AXDND1: variants seen among roughly 807,000 people sequenced by gnomAD.
AXDND1 encodes the protein axonemal dynein light chain domain-containing protein 1.
Under a neutral mutation model 137.5 loss-of-function variants are expected in AXDND1, and 110 were observed. The ratio of observed to expected loss-of-function variants is 0.80; its 90% CI spans 0.69 to 0.94. AXDND1 has a LOEUF of 0.94. Among genes scored for constraint, AXDND1 ranks in the 40% least tolerant of loss-of-function variants. The pLI is 0.00. For missense variants in AXDND1, 1,191 were observed against 1,169.8 expected (o/e 1.02, Z -0.26); for synonymous variants, 414 against 399.7 (o/e 1.04, Z -0.43).
chr1:179,467,078 A>G (rs1296649110), intron 16 of AXDND1, among the ~76,000 whole-genome samples: 6 of 152,174 alleles, frequency 3.9e-5, no homozygotes, highest in African/African-American at 1.2e-4. Flanking sequence ...GAGTGACTTA[A>G]TATCCCAAAT....
chr1:179,480,961 A>G (rs944768199), intron 17 of AXDND1, among the ~76,000 whole-genome samples: 1 of 147,854 alleles, frequency 6.8e-6, no homozygotes, highest in African/African-American at 2.4e-5. Flanking sequence ...AATAAAATGT[A>G]TTCATTTTTA....
chr1:179,482,124 T>TTTTTTTTTTTTTTTTTTTTCA (rs1665486329), intron 17 of AXDND1, among the ~76,000 whole-genome samples: 1 of 105,432 alleles, frequency 9.5e-6, no homozygotes. Flanking sequence ...TTTTTTTTTT[T>TTTTTTTTTTTTTTTTTTTTCA]GCCTTCTTCT....
At chr1:179,480,059 T>C (rs1445344373) in intron 17 of AXDND1, among the ~76,000 whole-genome samples, 1 of 152,178 alleles carries the variant, frequency 6.6e-6, no homozygotes, top group Non-Finnish European at 1.5e-5. Context: ...TTTTCCTGTC[T>C]TCTTCTGAGC....
intron 9 of AXDND1, among the ~76,000 whole-genome samples, chr1:179,389,794 G>T (rs1649848484): frequency 6.6e-6 from 1 of 152,006 alleles, no homozygotes; most frequent in Non-Finnish European, 1.5e-5. Context: ...AGAGTATTTA[G>T]TTCCTATATT....
intron 20 of AXDND1, among the ~76,000 whole-genome samples, chr1:179,496,637 A>G (rs1317637452): frequency 1.3e-5 from 2 of 152,004 alleles, no homozygotes; most frequent in Admixed American, 6.6e-5. Context: ...CTTGATCTCA[A>G]AGAACCAGAT....
intron 18 of AXDND1, among the ~76,000 whole-genome samples, chr1:179,486,139 A>AAAAAAACCAAAAAACT (rs149119239): frequency 3.4e-5 from 3 of 87,770 alleles, no homozygotes; most frequent in Non-Finnish European, 6.9e-5. Context: ...AAAAAAAAAA[A>AAAAAAACCAAAAAACT]AACCTGATAG....
rs192713491 is a variant in AXDND1, at chr1:179,393,148, G to A, written c.864-755G>A. 8.5e-4 allele frequency among the ~76,000 whole-genome samples: 130 copies of A among 152,262 alleles called. 1 individual carries two copies. The highest frequency in any genetic ancestry group is 1.4e-3 in the Non-Finnish European group (98 of 68,016). ...CATCTTGAGTTGACTTTTGTATGAG[G>A]TGTGAGATGAGGATCCAGTTTCATT... On this transcript the variant is annotated intron_variant, in intron 9 of 25. Coordinates refer to ENST00000367618, the MANE Select transcript of AXDND1 (RefSeq NM_144696.6).
At chr1:179,504,847 C>T (rs1281555216) in intron 20 of AXDND1, among the ~76,000 whole-genome samples, 1 of 152,184 alleles carries the variant, frequency 6.6e-6, no homozygotes, top group Non-Finnish European at 1.5e-5. Context: ...AGAATCTGCT[C>T]TCACACCAGA....
At chr1:179,511,394 G>GTGTA (rs900601607) in intron 21 of AXDND1, among the ~76,000 whole-genome samples, 1 of 10,454 alleles carries the variant, frequency 9.6e-5, no homozygotes, top group African/African-American at 2.4e-4. Flanking sequence ...GGTATATGGG[G>GTGTA]TGTGTGTGTG....
At position 179,429,137 on chromosome 1, in the gene AXDND1, A is replaced by G. The variant is rs991495173; in HGVS notation, c.1231-381A>G. 3.3e-5 allele frequency among the ~76,000 whole-genome samples: 5 copies of G among 151,926 alleles called. No homozygotes were observed. In the East Asian group the frequency reaches 7.7e-4, roughly 23 times the overall value. On this transcript the variant is annotated intron_variant, in intron 12 of 25. Transcript: ENST00000367618. ...GCTTGCAGTGAGCCGAGATTGCGCC[A>G]CTGCACTCCAACCTGGGTGACAGAG...
chr1:179,530,308 C>A lies in AXDND1; in HGVS notation c.2715+1877C>A, dbSNP rs184086129. On this transcript the variant is annotated intron_variant, in intron 23 of 25. Coordinates refer to ENST00000367618, the MANE Select transcript of AXDND1 (RefSeq NM_144696.6). ...CCTCCCAAAGTGCTGGGATTACAGG[C>A]GTGAGCCACCACGCCCGGCCAAAAT... Among the ~76,000 whole-genome samples the A allele has an allele frequency of 1.7e-3, 265 of 152,214 alleles. 4 individuals are homozygous for A. The highest frequency in any genetic ancestry group is 3.9e-4 in the East Asian group (2 of 5,168).
intron 20 of AXDND1, among the ~76,000 whole-genome samples, chr1:179,496,228 A>G (rs900984370): frequency 1.8e-4 from 28 of 152,034 alleles, no homozygotes; most frequent in African/African-American, 6.8e-4. Context: ...GCCTTTTAAA[A>G]TGAGTTAAGA....
intron 12 of AXDND1, among the ~76,000 whole-genome samples, chr1:179,412,612 G>C (rs1212002270): frequency 3.9e-5 from 6 of 152,048 alleles, no homozygotes; most frequent in African/African-American, 1.4e-4. Context: ...CTTACTAGAG[G>C]TAATTATTAG....
chr1:179,423,109 G>C (rs1189076608), intron 12 of AXDND1, among the ~76,000 whole-genome samples: 4 of 151,952 alleles, frequency 2.6e-5, no homozygotes, highest in Non-Finnish European at 5.9e-5. Context: ...ATAGTTTGGA[G>C]CTCCAGTGTT....
intron 25 of AXDND1, chr1:179,546,332 G>C (rs939907666): frequency 6.7e-6 from 1 of 149,820 alleles, no homozygotes; most frequent in Non-Finnish European, 1.5e-5. Flanking sequence ...AAAAAAGTAT[G>C]CCCCAGGGAG....
chr1:179,381,269 TGACCTCA>T (rs1648250749), intron 6 of AXDND1, among the ~76,000 whole-genome samples: 1 of 151,644 alleles, frequency 6.6e-6, no homozygotes, highest in Non-Finnish European at 1.5e-5. Flanking sequence ...CTCGAACTCC[TGACCTCA>T]GGTGATCTGC....
intron 17 of AXDND1, among the ~76,000 whole-genome samples, chr1:179,469,689 C>A (rs910110179): frequency 6.6e-6 from 1 of 152,198 alleles, no homozygotes; most frequent in Non-Finnish European, 1.5e-5. Flanking sequence ...CTTGCCAATA[C>A]TTATTATCTG....
At chr1:179,461,192 A>G (rs1057218731) in intron 16 of AXDND1, among the ~76,000 whole-genome samples, 3 of 152,162 alleles carry the variant, frequency 2.0e-5, no homozygotes, top group African/African-American at 7.2e-5. Flanking sequence ...TAGGTCTAAC[A>G]TTTAAGTCTT....
chr1:179,551,247 T>A, intron 25 of AXDND1: 2 of 1,614,142 alleles, frequency 1.2e-6, no homozygotes, highest in Non-Finnish European at 1.7e-6. Flanking sequence ...AAGGGGAGGC[T>A]TCCCTGAGTT....
Sources: allele counts gnomAD v4.1 joint callset (sites outside exome capture counted in the v4.1 genomes callset), GRCh38; gene constraint gnomAD v4.1.1; transcripts MANE v1.5; gene names NCBI Gene and HGNC (gene_info 2026-07-23, HGNC 2026-07-21).